The following GARIN1B variants were observed in gnomAD, a reference collection of about 807,000 sequenced individuals.
GARIN1B encodes Golgi-associated RAB2 interactor protein 1B.
chr7:128,726,962 T>C, the GARIN1B span: 3 of 1,171,440 alleles, frequency 2.6e-6, no homozygotes, highest in African/African-American at 1.5e-5. Context: ...CTGGTTGTCC[T>C]GGTGCTGTCA....
At chr7:128,709,750 C>CTCTGTCTTTTTTT in the GARIN1B span, among the ~76,000 whole-genome samples, 1 of 114,618 alleles carries the variant, frequency 8.7e-6, no homozygotes, top group African/African-American at 3.5e-5. Flanking sequence ...CTCTCTCTCT[C>CTCTGTCTTTTTTT]TTTTTTTTTT....
chr7:128,713,982 G>A, the GARIN1B span: 1 of 1,526,974 alleles, frequency 6.5e-7, no homozygotes, highest in African/African-American at 1.4e-5. Context: ...CTTAGAGAAT[G>A]TGACCATGAA....
the GARIN1B span, among the ~76,000 whole-genome samples, chr7:128,710,720 T>C: frequency 4.2e-3 from 642 of 152,098 alleles, 1 homozygote; most frequent in Middle Eastern, 0.01. Flanking sequence ...GTTTTGGTCT[T>C]GTTGCCCAAG....
chr7:128,723,180 T>A, the GARIN1B span: 1 of 1,593,096 alleles, frequency 6.3e-7, no homozygotes, highest in Non-Finnish European at 8.6e-7. Flanking sequence ...CTGGTTCTGC[T>A]TTTTTTCTTC....
At chr7:128,729,545 T>A in the GARIN1B span, among the ~76,000 whole-genome samples, 1 of 152,214 alleles carries the variant, frequency 6.6e-6, no homozygotes, top group African/African-American at 2.4e-5. Context: ...TTCAAGGCCA[T>A]TGCTAGTTCA....
At chr7:128,728,109 A>G in the GARIN1B span, among the ~76,000 whole-genome samples, 2 of 152,200 alleles carry the variant, frequency 1.3e-5, no homozygotes, top group African/African-American at 4.8e-5. Flanking sequence ...ACTTTCGTCT[A>G]AATCAGGGAT....
the GARIN1B span, among the ~76,000 whole-genome samples, chr7:128,713,016 T>C: frequency 6.6e-6 from 1 of 152,006 alleles, no homozygotes; most frequent in African/African-American, 2.4e-5. Context: ...TACTAAAAAA[T>C]CAGAATGGGC....
At chr7:128,731,081 T>A in the GARIN1B span, 85 of 1,609,320 alleles carry the variant, frequency 5.3e-5, no homozygotes, top group Non-Finnish European at 7.0e-5. Flanking sequence ...TCAAACACTT[T>A]TCTCTCCTAC....
the GARIN1B span, chr7:128,724,896 A>G: frequency 7.8e-7 from 1 of 1,283,334 alleles, no homozygotes; most frequent in Non-Finnish European, 1.0e-6. Context: ...TCGCAAAGAC[A>G]TGGGCCCAAG....
At chr7:128,717,391 A>C in the GARIN1B span, among the ~76,000 whole-genome samples, 1 of 151,716 alleles carries the variant, frequency 6.6e-6, no homozygotes, top group South Asian at 2.1e-4. Flanking sequence ...TTTTAAAATC[A>C]CAAGTTATTT....
chr7:128,713,770 C>T, the GARIN1B span: 2 of 392,564 alleles, frequency 5.1e-6, no homozygotes, highest in Non-Finnish European at 9.7e-6. Flanking sequence ...AAGTCATCTC[C>T]CCAACTGACT....
chr7:128,726,675 C>A, the GARIN1B span: 1 of 246,588 alleles, frequency 4.1e-6, no homozygotes, highest in Non-Finnish European at 6.4e-6. Flanking sequence ...ATGCGTCACA[C>A]CCATCCAATA....
chr7:128,714,020 G>T, the GARIN1B span: 1 of 1,534,076 alleles, frequency 6.5e-7, no homozygotes, highest in South Asian at 1.2e-5. Context: ...GTAAACAAAA[G>T]ATAATGAGAA....
At chr7:128,720,678 A>C in the GARIN1B span, among the ~76,000 whole-genome samples, 1 of 152,158 alleles carries the variant, frequency 6.6e-6, no homozygotes, top group Non-Finnish European at 1.5e-5. Context: ...TTTTTTGTGT[A>C]TATGGATATG....
the GARIN1B span, chr7:128,729,936 C>T: frequency 6.8e-6 from 11 of 1,614,200 alleles, no homozygotes; most frequent in Non-Finnish European, 9.3e-6. Context: ...GCATCCCTTG[C>T]ACCTGTGACC....
the GARIN1B span, chr7:128,716,747 C>A: frequency 1.4e-6 from 2 of 1,403,228 alleles, no homozygotes; most frequent in Non-Finnish European, 1.9e-6. Context: ...GGTTGAGAAA[C>A]CCTGGGCTGA....
chr7:128,728,102 T>C, the GARIN1B span, among the ~76,000 whole-genome samples: 1 of 152,182 alleles, frequency 6.6e-6, no homozygotes, highest in Non-Finnish European at 1.5e-5. Context: ...TCTGCTAACT[T>C]TCGTCTAAAT....
At chr7:128,731,250 C>T in the GARIN1B span, 1 of 859,840 alleles carries the variant, frequency 1.2e-6, no homozygotes, top group Non-Finnish European at 2.0e-6. Flanking sequence ...CTCACGGTGA[C>T]AGCAGAGCCT....
the GARIN1B span, chr7:128,729,951 TTGGA>T: frequency 1.2e-6 from 2 of 1,614,186 alleles, no homozygotes; most frequent in Non-Finnish European, 1.7e-6. Flanking sequence ...GTGACCTACG[TTGGA>T]GGGCTTCATT....
Sources: allele counts gnomAD v4.1 joint callset (sites outside exome capture counted in the v4.1 genomes callset), GRCh38; gene constraint gnomAD v4.1.1; transcripts MANE v1.5; gene names NCBI Gene and HGNC (gene_info 2026-07-23, HGNC 2026-07-21).